Variants in PCDHGA4 observed in about 807,000 individuals in gnomAD.
The protein encoded by PCDHGA4 is protocadherin gamma-A4.
A neutral mutation model predicts 54.6 loss-of-function variants in PCDHGA4; 38 were observed. The observed-to-expected ratio is 0.70, with a 90% CI of 0.54 to 0.91. The LOEUF (loss-of-function observed/expected upper bound fraction) is 0.91. PCDHGA4 is among the 40% of genes least tolerant of loss of function. The probability of loss-of-function intolerance (pLI) is 0.00; values close to 1 mark genes in which losing one functional copy is unlikely to be tolerated. For missense variants in PCDHGA4, 1,298 were observed against 1,220.9 expected (o/e 1.06, Z -0.94); for synonymous variants, 511 against 512.9 (o/e 1.00, Z 0.05).
chr5:141,487,013 C>T lies in PCDHGA4; in HGVS notation c.2515-7794C>T. ...GGTTTCCTATCAGCTCCTGGAGGCC[C>T]CAGATCCCAGCCTGTTTGCAGTCTC... On this transcript the variant is annotated intron_variant, in intron 1 of 3. Coordinates refer to ENST00000571252, the MANE Select transcript of PCDHGA4 (RefSeq NM_018917.4). The surrounding 1 kb of genome is among the most constrained non-coding windows in gnomAD (Gnocchi z 5.0). The T allele has an allele frequency of 1.2e-6, 2 of 1,614,220 alleles. No individual in the cohort carries two copies. Among genetic ancestry groups the T allele is most frequent in the Non-Finnish European group, 1.7e-6 (2 of 1,180,040 alleles).
chr5:141,420,042 A>T, intron 1 of PCDHGA4: 2 of 1,614,048 alleles, frequency 1.2e-6, no homozygotes, highest in Non-Finnish European at 8.5e-7. Context: ...GACTGCTTTG[A>T]GTCAGTTCTC....
At chr5:141,389,609 G>A (rs1188923316) in intron 1 of PCDHGA4, 3 of 1,612,966 alleles carry the variant, frequency 1.9e-6, no homozygotes, top group South Asian at 2.2e-5. Flanking sequence ...TCTTCGATAT[G>A]GTGCCGCACG....
Position 141,410,050 on chromosome 5 carries a change from C to T in PCDHGA4, c.2514+52429C>T, listed in dbSNP as rs762077790. ...TGCTGCAGGCCAGTGAGCCCGGACT[C>T]TTCAGCCTGGGGCTGCGCACTGGGG... On this transcript the variant is annotated intron_variant, in intron 1 of 3. Coordinates refer to ENST00000571252, the MANE Select transcript of PCDHGA4 (RefSeq NM_018917.4). The T allele has an allele frequency of 6.2e-6, 10 of 1,613,180 alleles. No homozygotes were observed. In the East Asian group the frequency reaches 1.6e-4, roughly 25 times the overall value.
chr5:141,393,584 A>G, intron 1 of PCDHGA4: 1 of 1,613,892 alleles, frequency 6.2e-7, no homozygotes, highest in African/African-American at 1.3e-5. Context: ...ACATGCCCCC[A>G]GGCACGCGGC....
intron 2 of PCDHGA4, among the ~76,000 whole-genome samples, chr5:141,500,877 AT>A (rs369345007): frequency 5.2e-4 from 64 of 122,250 alleles, no homozygotes; most frequent in Admixed American, 1.0e-3. Context: ...TTCATTTACA[AT>A]TTTTTTTTTT....
chr5:141,380,878 G>C (rs1776818511), intron 1 of PCDHGA4, among the ~76,000 whole-genome samples: 1 of 152,198 alleles, frequency 6.6e-6, no homozygotes, highest in African/African-American at 2.4e-5. Flanking sequence ...CTCCAAACAT[G>C]AAAGTTTGTT....
intron 1 of PCDHGA4, among the ~76,000 whole-genome samples, chr5:141,454,357 TAGAA>T (rs758087339): frequency 3.5e-4 from 54 of 152,354 alleles, no homozygotes; most frequent in Non-Finnish European, 6.3e-4. Context: ...GATCCAAACT[TAGAA>T]AGGAGTATGG....
At chr5:141,500,086 A>G (rs1456179271) in intron 2 of PCDHGA4, among the ~76,000 whole-genome samples, 1 of 151,682 alleles carries the variant, frequency 6.6e-6, no homozygotes, top group Non-Finnish European at 1.5e-5. Flanking sequence ...TCCATCTTCC[A>G]TTTTTGCAAT....
In PCDHGA4 at chr5:141,476,303, G is replaced by T. The variant is rs747567754; in HGVS notation, c.2515-18504G>T. ...TGGTTTGGATCTCGGTAGCCTCTCA[G>T]CCCGCAGGTTCCGGGTGGTGTCTGG... is the stretch of plus-strand genomic sequence containing the variant. On this transcript the variant is annotated intron_variant, in intron 1 of 3. Coordinates refer to ENST00000571252, the MANE Select transcript of PCDHGA4 (RefSeq NM_018917.4). The surrounding 1 kb of genome is among the most constrained non-coding windows in gnomAD (Gnocchi z 7.6). 6.2e-7 allele frequency: 1 copy of T among 1,613,872 alleles called. No individual in the cohort carries two copies. Among genetic ancestry groups the T allele is most frequent in the Admixed American group, 1.7e-5 (1 of 60,000 alleles).
At chr5:141,380,974 A>C (rs1008958709) in intron 1 of PCDHGA4, among the ~76,000 whole-genome samples, 4 of 152,262 alleles carry the variant, frequency 2.6e-5, no homozygotes, top group African/African-American at 9.6e-5. Context: ...TATTAAACAA[A>C]TAGAATTTAA....
At chr5:141,375,821 C>T in intron 1 of PCDHGA4, 1 of 1,614,192 alleles carries the variant, frequency 6.2e-7, no homozygotes, top group Non-Finnish European at 8.5e-7. Context: ...GCTGGCGCCC[C>T]GCTCCGCAGA....
intron 1 of PCDHGA4, chr5:141,441,917 A>G (rs979307331): frequency 3.1e-5 from 11 of 352,364 alleles, no homozygotes; most frequent in African/African-American, 2.0e-4. Context: ...GATGTGAGAC[A>G]CAATGCGTGG....
At chr5:141,492,256 A>G (rs1323720621) in intron 1 of PCDHGA4, among the ~76,000 whole-genome samples, 1 of 151,974 alleles carries the variant, frequency 6.6e-6, no homozygotes, top group Non-Finnish European at 1.5e-5. Context: ...CGGCCCACAC[A>G]AGTTGCACGG....
At chr5:141,407,240 C>T (rs1011878099) in intron 1 of PCDHGA4, among the ~76,000 whole-genome samples, 3 of 152,158 alleles carry the variant, frequency 2.0e-5, no homozygotes, top group African/African-American at 7.2e-5. Context: ...ATAAAGCATA[C>T]TTCAGGCTCA....
chr5:141,384,787 C>A, intron 1 of PCDHGA4: 2 of 1,613,552 alleles, frequency 1.2e-6, no homozygotes, highest in Admixed American at 3.3e-5. Flanking sequence ...GCGCACGGCT[C>A]GGGCCCTGCT....
chr5:141,415,901 C>A, intron 1 of PCDHGA4: 1 of 847,932 alleles, frequency 1.2e-6, no homozygotes, highest in Non-Finnish European at 1.6e-6. Context: ...CTAAGACAGA[C>A]TTCCATACAG....
intron 1 of PCDHGA4, chr5:141,424,576 C>CA (rs2096829154): frequency 6.6e-6 from 1 of 152,132 alleles, no homozygotes; most frequent in African/African-American, 2.4e-5. Context: ...AACCTATTTT[C>CA]AAATGTGCTA....
At chr5:141,360,849 C>T (rs1761771921) in intron 1 of PCDHGA4, 2 of 1,613,872 alleles carry the variant, frequency 1.2e-6, no homozygotes, top group African/African-American at 2.7e-5. Context: ...CCAACGATAA[C>T]CCTCCAGTGT....
chr5:141,410,118 G>T (rs2095358965), intron 1 of PCDHGA4: 3 of 1,612,304 alleles, frequency 1.9e-6, no homozygotes, highest in East Asian at 4.5e-5. Context: ...GACGCAGCCC[G>T]CCAGCGCCTG....
Sources: allele counts gnomAD v4.1 joint callset (sites outside exome capture counted in the v4.1 genomes callset), GRCh38; gene constraint gnomAD v4.1.1; non-coding constraint Gnocchi (gnomAD v3.1); transcripts MANE v1.5; gene names NCBI Gene and HGNC (gene_info 2026-07-23, HGNC 2026-07-21).